Variants in TBC1D24 observed in about 807,000 individuals in gnomAD.
TBC1D24 encodes the protein TBC1 domain family member 24, also known as Infantile myoclonic epilepsy.
Under a neutral mutation model 50.7 loss-of-function variants are expected in TBC1D24, and 47 were observed. The observed-to-expected ratio is 0.93, with a 90% confidence interval of 0.73 to 1.18. The LOEUF (loss-of-function observed/expected upper bound fraction) is 1.18, where lower values mean the gene tolerates loss of function less well. Ranked by LOEUF, TBC1D24 falls within the 50% of genes most tolerant of loss-of-function variation. The probability of loss-of-function intolerance (pLI) is 0.00; values close to 1 mark genes in which losing one functional copy is unlikely to be tolerated. For missense variants in TBC1D24, 688 were observed against 766.5 expected (o/e 0.90, Z 1.21); for synonymous variants, 324 against 335.2 (o/e 0.97, Z 0.36).
In TBC1D24 at chr16:2,475,829, GC is replaced by G. The variant is rs1034716862; in HGVS notation, c.-116+664del. Among the ~76,000 whole-genome samples the G allele has an allele frequency of 2.6e-5, 4 of 152,214 alleles. No homozygotes were observed. Among genetic ancestry groups the G allele is most frequent in the African/African-American group, 7.2e-5 (3 of 41,464 alleles). ...CCTGGGCTGGGCTGCACCTGTTCCC[GC>G]CCCCTCCAGGCGGGAGTCCCCGCGG... On this transcript the variant is annotated intron_variant, in intron 1 of 7. Coordinates refer to ENST00000646147, the MANE Select transcript of TBC1D24 (RefSeq NM_001199107.2). The surrounding 1 kb of genome is among the most constrained non-coding windows in gnomAD (Gnocchi z 4.2).
At position 2,491,853 on chromosome 16, in the gene TBC1D24, C is replaced by T. The variant is rs141050268; in HGVS notation, c.-115-4181C>T. On this transcript the variant is annotated intron_variant, in intron 1 of 7. Coordinates refer to ENST00000646147, the MANE Select transcript of TBC1D24 (RefSeq NM_001199107.2). ...CAGGCATGAGCCACCGTGCTTGGCC[C>T]GCCTGGCTAATTTTGGTATTTTTTT... Among the ~76,000 whole-genome samples, 1,503 of 150,398 alleles carry T rather than the reference C, an allele frequency of 1.0e-2. 22 individuals are homozygous for T. Among genetic ancestry groups the T allele is most frequent in the African/African-American group, 0.035 (1,449 of 40,908 alleles).
At chr16:2,476,411 A>C (rs1440922770) in intron 1 of TBC1D24, 1 of 152,270 alleles carries the variant, frequency 6.6e-6, no homozygotes, top group Non-Finnish European at 1.5e-5. Flanking sequence ...CACTGGGAAA[A>C]AAAACCAATC....
intron 1 of TBC1D24, chr16:2,480,902 T>G (rs1158739653): frequency 2.0e-5 from 3 of 152,290 alleles, no homozygotes; most frequent in Non-Finnish European, 2.9e-5. Context: ...CTTTGGCTTC[T>G]TGGTGCCTGT....
Position 2,496,462 on chromosome 16 carries a change from G to A in TBC1D24, c.314G>A (p.Cys105Tyr). ...FVDNTQVPSY[C>Y]LNARGEGAVR... is the part of the protein sequence containing the mutation. The stretch of plus-strand genomic sequence containing the variant: ...GACAACACGCAGGTGCCCAGCTACT[G>A]CCTGAATGCACGCGGCGAGGGGGCC... Residue 105 changes from cysteine to tyrosine, a missense_variant, in exon 2 of 8, where the codon TGC becomes TAC. Physicochemically the swap from Cys to Tyr is radical, Grantham distance 194. Coordinates refer to ENST00000646147, the MANE Select transcript of TBC1D24 (RefSeq NM_001199107.2). 2 of 1,612,206 alleles carry A rather than the reference G, an allele frequency of 1.2e-6. No individual in the cohort carries two copies. Among genetic ancestry groups the A allele is most frequent in the Non-Finnish European group, 1.7e-6 (2 of 1,179,960 alleles).
At chr16:2,489,289 G>A (rs1306923031) in intron 1 of TBC1D24, among the ~76,000 whole-genome samples, 4 of 151,598 alleles carry the variant, frequency 2.6e-5, no homozygotes, top group East Asian at 2.0e-4. Flanking sequence ...AAAATTAGCC[G>A]GGCGTGGTGG....
chr16:2,477,072 T>C (rs2065574828), intron 1 of TBC1D24: 1 of 152,268 alleles, frequency 6.6e-6, no homozygotes. Context: ...CCCTGTTCAA[T>C]GTTTTACCTG....
In TBC1D24 at chr16:2,501,384, C is replaced by T. The variant is rs1284292990; in HGVS notation, c.*426C>T. ...GGCCTGTGGTGCCCCCTGCTGGTGC[C>T]GCATAGCATCGCGCCCTCCTGAGCA... On this transcript the variant is annotated 3_prime_UTR_variant, in exon 8 of 8. Transcript: ENST00000646147. 2.2e-5 allele frequency: 5 copies of T among 222,432 alleles called. No individual in the cohort carries two copies. Among genetic ancestry groups the T allele is most frequent in the Non-Finnish European group, 3.7e-5 (4 of 108,826 alleles). 13.8% of individuals were successfully genotyped at this position (222,432 alleles called of 1,614,324 possible).
chr16:2,496,357 A>C lies in TBC1D24; in HGVS notation c.209A>C (p.Asp70Ala). ...RDIPCRTVTPDASVYSDIVGK... is the reference protein window; with the variant it reads ...RDIPCRTVTPAASVYSDIVGK... ...ATTCCCTGCCGCACGGTCACGCCTG[A>C]CGCCAGCGTGTACAGCGACATCGTG... The change falls in exon 2 of 8, where the codon GAC becomes GCC. Residue 70 changes from aspartate to alanine, a missense_variant. Physicochemically the swap from Asp to Ala is moderately radical, Grantham distance 126. Coordinates refer to ENST00000646147, the MANE Select transcript of TBC1D24 (RefSeq NM_001199107.2). 1 of 1,613,502 alleles carries C rather than the reference A, an allele frequency of 6.2e-7. No individual in the cohort carries two copies. The highest frequency in any genetic ancestry group is 8.5e-7 in the Non-Finnish European group (1 of 1,180,020).
rs1258666756 is a variant in TBC1D24 at position 2,503,145 on chromosome 16, C to A, written c.*2187C>A. ...GCGTGGCTGCCCCCAGGGGGCCCCA[C>A]CCGGGCCTTCCAGTGATCTGGACCA... On this transcript the variant is annotated 3_prime_UTR_variant, in exon 8 of 8. Transcript: ENST00000646147. 5 of 152,268 alleles carry A rather than the reference C, an allele frequency of 3.3e-5. No individual in the cohort carries two copies. The highest frequency in any genetic ancestry group is 1.2e-4 in the African/African-American group (5 of 41,474). The allele number at this position is 152,268 out of a possible 1,614,324, so 9.4% of individuals were successfully genotyped here. A position where few individuals can be genotyped will look rare whatever the true frequency, so the allele number is the denominator to read the frequency against.
At position 2,482,717 on chromosome 16, in the gene TBC1D24, C is replaced by G. The variant is rs1349165972; in HGVS notation, c.-116+7547C>G. On this transcript the variant is annotated intron_variant, in intron 1 of 7. Coordinates refer to ENST00000646147, the MANE Select transcript of TBC1D24 (RefSeq NM_001199107.2). This position sits in a 1 kb window ranked among gnomAD's most constrained non-coding sequence, Gnocchi z 5.2. ...AATGTTGTGACTGTACCGGAGACAC[C>G]TGGGAAGCAGCTGGAGGGACAGGTC... Among the ~76,000 whole-genome samples the G allele has an allele frequency of 6.6e-6, 1 of 152,114 alleles. No homozygotes were observed. The highest frequency in any genetic ancestry group is 2.4e-5 in the African/African-American group (1 of 41,432).
rs1262025578 is a variant in TBC1D24 at position 2,485,782 on chromosome 16, T to TCGCAGATCCTGTGC, written c.-115-10249_-115-10236dup. Among the ~76,000 whole-genome samples the TCGCAGATCCTGTGC allele has an allele frequency of 6.6e-6, 1 of 152,170 alleles. No homozygotes were observed. The highest frequency in any genetic ancestry group is 1.5e-5 in the Non-Finnish European group (1 of 68,024). ...GGGAGAAACCCCCGCATCTTCTGGG[T>TCGCAGATCCTGTGC]CGCAGATCCTGTGCCGATTGCGGTG... On this transcript the variant is annotated intron_variant, in intron 1 of 7. Coordinates refer to ENST00000646147, the MANE Select transcript of TBC1D24 (RefSeq NM_001199107.2). This position sits in a 1 kb window ranked among gnomAD's most constrained non-coding sequence, Gnocchi z 4.6.
intron 1 of TBC1D24, chr16:2,484,193 T>A (rs2065631850): frequency 6.6e-6 from 1 of 152,264 alleles, no homozygotes; most frequent in South Asian, 2.1e-4. Context: ...TTCTGATGGC[T>A]GTGGCCTCTG....
At chr16:2,490,295 C>T (rs1022092111) in intron 1 of TBC1D24, among the ~76,000 whole-genome samples, 5 of 152,218 alleles carry the variant, frequency 3.3e-5, no homozygotes, top group African/African-American at 9.6e-5. Context: ...CTTCTCTGCT[C>T]CACACTCAGG....
At position 2,475,368 on chromosome 16, in the gene TBC1D24, C is replaced by T. The variant is rs1269612985; in HGVS notation, c.-116+198C>T. Among the ~76,000 whole-genome samples the T allele has an allele frequency of 6.6e-6, 1 of 151,164 alleles. No homozygotes were observed. Among genetic ancestry groups the T allele is most frequent in the African/African-American group, 2.4e-5 (1 of 41,268 alleles). ...CCGGCACCGCCCGGCGCTGCAGCTG[C>T]GGCTTGGCCTACGGGAGGGGGCGCA... On this transcript the variant is annotated intron_variant, in intron 1 of 7. Transcript: ENST00000646147. This position sits in a 1 kb window ranked among gnomAD's most constrained non-coding sequence, Gnocchi z 4.2.
In TBC1D24 at chr16:2,499,697, T is replaced by A; in HGVS notation, c.1207-138T>A. 1.2e-6 allele frequency: 1 copy of A among 842,234 alleles called. No individual in the cohort carries two copies. The highest frequency in any genetic ancestry group is 2.1e-6 in the Non-Finnish European group (1 of 486,864). The allele number at this position is 842,234 out of a possible 1,614,324, so 52.2% of individuals were successfully genotyped here. On this transcript the variant is annotated intron_variant, in intron 5 of 7. Transcript: ENST00000646147. This position sits in a 1 kb window ranked among gnomAD's most constrained non-coding sequence, Gnocchi z 4.0. ...TGCAACACTGCCTTTCCCACACCACTCCTGCCCTGGGGTGGGGGTGGGAGA... is the reference window on the plus strand; with the variant it reads ...TGCAACACTGCCTTTCCCACACCACACCTGCCCTGGGGTGGGGGTGGGAGA...
rs1454918546 is a variant in TBC1D24 at position 2,499,651 on chromosome 16, CA to C, written c.1207-183del. On this transcript the variant is annotated intron_variant, in intron 5 of 7. Coordinates refer to ENST00000646147, the MANE Select transcript of TBC1D24 (RefSeq NM_001199107.2). This position sits in a 1 kb window ranked among gnomAD's most constrained non-coding sequence, Gnocchi z 4.0. ...CCCACCCTCATTGCCAGCCCCAAGC[CA>C]GGGGCAGGGTGCACACACCTGCAAC... 1.3e-5 allele frequency among the ~76,000 whole-genome samples: 2 copies of C among 152,178 alleles called. No individual in the cohort carries two copies. The highest frequency in any genetic ancestry group is 4.8e-5 in the African/African-American group (2 of 41,460).
Position 2,500,740 on chromosome 16 carries a change from G to T in TBC1D24, c.1526-64G>T. ...GCAGGGCAGGACAGCTGGGACAGCA[G>T]GTGAGGTGCCTGGGTCAGTGCTGAT... On this transcript the variant is annotated intron_variant, in intron 7 of 7. Transcript: ENST00000646147. This position sits in a 1 kb window ranked among gnomAD's most constrained non-coding sequence, Gnocchi z 8.0. 1.3e-6 allele frequency: 2 copies of T among 1,547,568 alleles called. No individual in the cohort carries two copies. Among genetic ancestry groups the T allele is most frequent in the African/African-American group, 2.7e-5 (2 of 73,888 alleles).
At position 2,497,240 on chromosome 16, in the gene TBC1D24, A is replaced by G. The variant is rs1376813059; in HGVS notation, c.965+127A>G. ...CCATGGTCCACCCAGCCATCTGTGCATGGCTGAAAAGACACTGAAACAGGA... is the reference window on the plus strand; with the variant it reads ...CCATGGTCCACCCAGCCATCTGTGCGTGGCTGAAAAGACACTGAAACAGGA... On this transcript the variant is annotated intron_variant, in intron 2 of 7. Coordinates refer to ENST00000646147, the MANE Select transcript of TBC1D24 (RefSeq NM_001199107.2). The G allele has an allele frequency of 3.1e-6, 4 of 1,270,208 alleles. No homozygotes were observed. In the Admixed American group the frequency reaches 5.7e-5, roughly 18 times the overall value. 78.7% of individuals were successfully genotyped at this position (1,270,208 alleles called of 1,614,324 possible).
rs2065774402 is a variant in TBC1D24 at position 2,499,734 on chromosome 16, G to T, written c.1207-101G>T. The T allele has an allele frequency of 6.6e-6, 7 of 1,057,428 alleles. No homozygotes were observed. The Admixed American group carries it at 1.2e-4, about 18-fold the overall frequency. 65.5% of individuals were successfully genotyped at this position (1,057,428 alleles called of 1,614,324 possible). A position where few individuals can be genotyped will look rare whatever the true frequency, so the allele number is the denominator to read the frequency against. ...GTGGGGGTGGGAGACGGCAATGCCTGCACCCCCACCTGTGACCTGGGACAG... is the reference window on the plus strand; with the variant it reads ...GTGGGGGTGGGAGACGGCAATGCCTTCACCCCCACCTGTGACCTGGGACAG... On this transcript the variant is annotated intron_variant, in intron 5 of 7. Transcript: ENST00000646147. This position sits in a 1 kb window ranked among gnomAD's most constrained non-coding sequence, Gnocchi z 4.0.
Sources: allele counts gnomAD v4.1 joint callset (sites outside exome capture counted in the v4.1 genomes callset), GRCh38; gene constraint gnomAD v4.1.1; non-coding constraint Gnocchi (gnomAD v3.1); transcripts MANE v1.5; gene names NCBI Gene and HGNC (gene_info 2026-07-23, HGNC 2026-07-21).